Variants in CCDC148 observed in about 807,000 individuals in gnomAD.
CCDC148 encodes the protein coiled-coil domain-containing protein 148.
A neutral mutation model predicts 85.7 loss-of-function variants in CCDC148; 89 were observed. That is an observed-to-expected ratio of 1.04 (90% CI 0.87 to 1.24). The LOEUF is 1.24. Ranked by LOEUF, CCDC148 falls within the 50% of genes most tolerant of loss-of-function variation. CCDC148 has a pLI of 0.00. For missense variants in CCDC148, 692 were observed against 671.7 expected, an observed-to-expected ratio of 1.03 and a Z score of -0.33; for synonymous variants, 230 against 213.9, an observed-to-expected ratio of 1.08 and a Z score of -0.66.
intron 1 of CCDC148, among the ~76,000 whole-genome samples, chr2:158,383,009 G>A (rs1574727654): frequency 2.0e-5 from 3 of 151,752 alleles, no homozygotes; most frequent in African/African-American, 7.3e-5. Flanking sequence ...CATAAAAAAT[G>A]ATGACATAGG....
chr2:158,198,673 T>C (rs1451010966), intron 11 of CCDC148, among the ~76,000 whole-genome samples: 1 of 152,186 alleles, frequency 6.6e-6, no homozygotes, highest in Non-Finnish European at 1.5e-5. Flanking sequence ...TCTTTTTTTT[T>C]CCAGGTCGGA....
chr2:158,354,452 C>T (rs1274511635), intron 2 of CCDC148, among the ~76,000 whole-genome samples: 3 of 151,700 alleles, frequency 2.0e-5, no homozygotes, highest in Non-Finnish European at 3.0e-5. Context: ...ACAAACACCT[C>T]TACGCAAATA....
At chr2:158,371,580 G>A (rs1420089475) in intron 1 of CCDC148, among the ~76,000 whole-genome samples, 1 of 151,472 alleles carries the variant, frequency 6.6e-6, no homozygotes, top group East Asian at 1.9e-4. Context: ...ATTTTATACA[G>A]GTATAATAAT....
chr2:158,230,925 A>G (rs913603431), intron 10 of CCDC148, among the ~76,000 whole-genome samples: 1 of 152,170 alleles, frequency 6.6e-6, no homozygotes, highest in Non-Finnish European at 1.5e-5. Flanking sequence ...TTGCTTGAAC[A>G]GCTGGTTGAA....
At chr2:158,228,817 G>T in intron 10 of CCDC148, among the ~76,000 whole-genome samples, 1 of 141,726 alleles carries the variant, frequency 7.1e-6, no homozygotes. Flanking sequence ...GTGGGGTTGG[G>T]GGGAGGGGGG....
intron 1 of CCDC148, among the ~76,000 whole-genome samples, chr2:158,365,403 A>G (rs1323633019): frequency 6.6e-6 from 1 of 152,120 alleles, no homozygotes; most frequent in African/African-American, 2.4e-5. Flanking sequence ...CTTGGAACCG[A>G]CCCAAATTCC....
chr2:158,328,035 T>G (rs1054670641), intron 7 of CCDC148, among the ~76,000 whole-genome samples: 2 of 152,058 alleles, frequency 1.3e-5, no homozygotes, highest in Non-Finnish European at 1.5e-5. Context: ...TTTTTTTTTA[T>G]TTAAGTTTTA....
At chr2:158,364,126 G>A (rs1398799339) in intron 1 of CCDC148, among the ~76,000 whole-genome samples, 2 of 152,150 alleles carry the variant, frequency 1.3e-5, no homozygotes, top group Non-Finnish European at 2.9e-5. Flanking sequence ...CCTCTTCAAG[G>A]AGAACTACAA....
chr2:158,232,642 T>C (rs1283525118), intron 10 of CCDC148, among the ~76,000 whole-genome samples: 1 of 152,186 alleles, frequency 6.6e-6, no homozygotes, highest in Admixed American at 6.5e-5. Context: ...TTCTGTACAT[T>C]GTTGTCAGGT....
intron 11 of CCDC148, among the ~76,000 whole-genome samples, chr2:158,196,487 G>A (rs763343270): frequency 6.6e-6 from 1 of 152,058 alleles, no homozygotes; most frequent in Non-Finnish European, 1.5e-5. Flanking sequence ...TATTTGCTGT[G>A]AATCCAGCCC....
chr2:158,341,093 T>C (rs763216502), intron 3 of CCDC148, among the ~76,000 whole-genome samples: 49 of 152,100 alleles, frequency 3.2e-4, no homozygotes, highest in Admixed American at 1.3e-4. Flanking sequence ...AAGGAGGTAA[T>C]TTTAAAAGTT....
Position 158,456,499 on chromosome 2 carries a change from C to A in CCDC148, c.-60G>T. 1 of 1,583,014 alleles carries A rather than the reference C, an allele frequency of 6.3e-7. No homozygotes were observed. The highest frequency in any genetic ancestry group is 8.6e-7 in the Non-Finnish European group (1 of 1,164,746). ...CCAAACGCAGGAAAAGTGAAACGCCCACTCCTGGGCTCTCGCCGTCAGGGG... is the reference window on the plus strand; with the variant it reads ...CCAAACGCAGGAAAAGTGAAACGCCAACTCCTGGGCTCTCGCCGTCAGGGG... On this transcript the variant is annotated 5_prime_UTR_variant, in exon 1 of 14. Transcript: ENST00000283233.
chr2:158,403,095 T>C (rs1685853471), intron 1 of CCDC148, among the ~76,000 whole-genome samples: 2 of 152,142 alleles, frequency 1.3e-5, no homozygotes, highest in African/African-American at 2.4e-5. Flanking sequence ...GATGCAGAAG[T>C]TGAAGTCCCT....
intron 11 of CCDC148, among the ~76,000 whole-genome samples, chr2:158,218,414 T>C (rs375555573): frequency 2.8e-4 from 42 of 152,138 alleles, no homozygotes; most frequent in East Asian, 2.5e-3. Context: ...AATATGCTTA[T>C]TTTTTTTCTT....
At chr2:158,284,661 A>T (rs1428000121) in intron 9 of CCDC148, among the ~76,000 whole-genome samples, 1 of 152,218 alleles carries the variant, frequency 6.6e-6, no homozygotes, top group Non-Finnish European at 1.5e-5. Flanking sequence ...TGCTTTCAGG[A>T]ATACGGCAGA....
chr2:158,284,888 T>C (rs1325059632), intron 9 of CCDC148, among the ~76,000 whole-genome samples: 1 of 152,208 alleles, frequency 6.6e-6, no homozygotes, highest in African/African-American at 2.4e-5. Flanking sequence ...AGATGAAAGC[T>C]GAGCTTAAAA....
intron 12 of CCDC148, chr2:158,178,201 G>A (rs1684689588): frequency 6.6e-6 from 1 of 152,058 alleles, no homozygotes; most frequent in Non-Finnish European, 1.5e-5. Context: ...AGCAACACAG[G>A]AGGGAAACCA....
chr2:158,201,109 T>A (rs1196461860), intron 11 of CCDC148, among the ~76,000 whole-genome samples: 2 of 148,292 alleles, frequency 1.3e-5, no homozygotes, highest in African/African-American at 2.5e-5. Flanking sequence ...TTTCCCTTAC[T>A]GTGATGCTTT....
intron 1 of CCDC148, among the ~76,000 whole-genome samples, chr2:158,369,420 T>C (rs1684343277): frequency 6.6e-6 from 1 of 152,178 alleles, no homozygotes; most frequent in Admixed American, 6.5e-5. Flanking sequence ...TGGTATTTTA[T>C]TCTCTTTGTA....
Sources: gnomAD v4.1 joint callset for allele counts (sites outside exome capture counted in the v4.1 genomes callset) on GRCh38, gnomAD v4.1.1 for gene constraint, MANE v1.5 for transcripts, NCBI Gene and HGNC (gene_info 2026-07-23, HGNC 2026-07-21) for gene names.